TENM2: variants seen among roughly 807,000 people sequenced by gnomAD.
TENM2 encodes the protein teneurin transmembrane protein 2, also known as teneurin-2.
Under a neutral mutation model 245.2 loss-of-function variants are expected in TENM2, and 52 were observed. The ratio of observed to expected loss-of-function variants is 0.21; its 90% CI spans 0.17 to 0.27. The LOEUF is 0.27. Ranked by LOEUF, TENM2 falls within the 10% of genes least tolerant of loss-of-function variation. TENM2 has a pLI of 1.00. For synonymous variants in TENM2, 1,363 were observed against 1,438.9 expected, an observed-to-expected ratio of 0.95 and a Z score of 1.19; for missense variants, 3,046 against 3,666.8, an observed-to-expected ratio of 0.83 and a Z score of 4.37.
chr5:168,082,284 G>T (rs936344376), intron 7 of TENM2, among the ~76,000 whole-genome samples: 4 of 152,128 alleles, frequency 2.6e-5, no homozygotes, highest in Admixed American at 1.3e-4. Flanking sequence ...GCTCCATCAG[G>T]TTATTTAAGG....
chr5:167,415,681 G>A (rs1581979206), intron 2 of TENM2, among the ~76,000 whole-genome samples: 2 of 151,684 alleles, frequency 1.3e-5, no homozygotes, highest in East Asian at 3.9e-4. Flanking sequence ...AAAAAAAAAA[G>A]TACTGATTTT....
In TENM2 at chr5:167,748,308, G is replaced by A. The variant is rs142463300; in HGVS notation, c.503-127678G>A. Among the ~76,000 whole-genome samples, 169 of 152,238 alleles carry A rather than the reference G, an allele frequency of 1.1e-3. 1 individual carries two copies. The highest frequency in any genetic ancestry group is 3.8e-3 in the African/African-American group (159 of 41,558). On this transcript the variant is annotated intron_variant, in intron 2 of 28. Transcript: ENST00000518659. The stretch of plus-strand genomic sequence containing the variant: ...CAAGTTTCATTGACCCATATTAAAG[G>A]TGTCAGTGTGCAAAAAAATTTCTAT...
the TENM2 span, among the ~76,000 whole-genome samples, chr5:167,159,825 A>G: frequency 6.6e-6 from 1 of 152,170 alleles, no homozygotes; most frequent in South Asian, 2.1e-4. Flanking sequence ...TCATACAGAA[A>G]GACTGGTGGT....
intron 5 of TENM2, among the ~76,000 whole-genome samples, chr5:168,036,946 C>G (rs1023985316): frequency 6.6e-5 from 10 of 151,796 alleles, no homozygotes; most frequent in African/African-American, 2.4e-4. Context: ...AAGAAGCTGA[C>G]CATACTGACA....
intron 1 of TENM2, among the ~76,000 whole-genome samples, chr5:167,311,783 T>C (rs1263798201): frequency 6.6e-6 from 1 of 152,196 alleles, no homozygotes; most frequent in Admixed American, 6.5e-5. Context: ...CAAAAATGCT[T>C]TTTAAGACAA....
chr5:167,606,662 A>T (rs1309357190), intron 2 of TENM2, among the ~76,000 whole-genome samples: 1 of 152,114 alleles, frequency 6.6e-6, no homozygotes, highest in Non-Finnish European at 1.5e-5. Context: ...GGAACTTTTA[A>T]TAATATACTG....
chr5:167,478,091 C>T (rs1020221632), intron 2 of TENM2, among the ~76,000 whole-genome samples: 5 of 152,114 alleles, frequency 3.3e-5, no homozygotes, highest in African/African-American at 9.7e-5. Context: ...CTGGGAAGAG[C>T]GAAACACCAG....
intron 2 of TENM2, among the ~76,000 whole-genome samples, chr5:167,712,128 C>T (rs972326547): frequency 7.9e-5 from 12 of 152,056 alleles, no homozygotes; most frequent in African/African-American, 2.7e-4. Context: ...CCAATCAACT[C>T]GATCTTAATT....
intron 2 of TENM2, among the ~76,000 whole-genome samples, chr5:167,422,326 A>G (rs1763560664): frequency 6.6e-6 from 1 of 152,184 alleles, no homozygotes; most frequent in Non-Finnish European, 1.5e-5. Context: ...AGTTCAACAT[A>G]ATAATTTCTC....
chr5:167,681,537 G>T (rs1220598550), intron 2 of TENM2, among the ~76,000 whole-genome samples: 1 of 152,114 alleles, frequency 6.6e-6, no homozygotes, highest in Non-Finnish European at 1.5e-5. Flanking sequence ...CTTGCTGAAT[G>T]ACAGGATATA....
the TENM2 span, among the ~76,000 whole-genome samples, chr5:167,234,654 T>G: frequency 6.6e-6 from 1 of 152,030 alleles, no homozygotes; most frequent in Non-Finnish European, 1.5e-5. Flanking sequence ...ACAGGAAAGG[T>G]TGATTATATT....
the TENM2 span, among the ~76,000 whole-genome samples, chr5:167,061,667 G>A: frequency 1.4e-4 from 21 of 152,116 alleles, no homozygotes; most frequent in African/African-American, 5.1e-4. Flanking sequence ...AAATATTCAA[G>A]CATCAAAAGG....
chr5:167,290,344 A>G (rs1754559893), intron 1 of TENM2, among the ~76,000 whole-genome samples: 1 of 152,176 alleles, frequency 6.6e-6, no homozygotes, highest in Non-Finnish European at 1.5e-5. Context: ...AAGCTCTACC[A>G]TATATAGGTA....
At chr5:167,039,207 TC>T in the TENM2 span, among the ~76,000 whole-genome samples, 1 of 152,052 alleles carries the variant, frequency 6.6e-6, no homozygotes, top group Non-Finnish European at 1.5e-5. Context: ...AGCTGGGTGT[TC>T]CTGTGAGAGT....
At chr5:168,217,004 G>A (rs1763255278) in intron 22 of TENM2, 82 bp downstream of exon 24, 1 of 1,486,434 alleles carries the variant, frequency 6.7e-7, no homozygotes, top group Non-Finnish European at 9.2e-7. Context: ...GTTTGGTTTG[G>A]AAGTGGAATG....
the TENM2 span, among the ~76,000 whole-genome samples, chr5:167,230,456 A>G: frequency 6.6e-6 from 1 of 152,228 alleles, no homozygotes; most frequent in Admixed American, 6.5e-5. Flanking sequence ...TTGAAGTGTG[A>G]TTATCCAGTC....
intron 1 of TENM2, among the ~76,000 whole-genome samples, chr5:167,330,622 G>A (rs140374612): frequency 6.6e-6 from 1 of 152,218 alleles, no homozygotes; most frequent in Non-Finnish European, 1.5e-5. Flanking sequence ...TTGGCAAGGA[G>A]ATCCAATACC....
At chr5:167,066,391 TTTA>T in the TENM2 span, among the ~76,000 whole-genome samples, 1 of 152,248 alleles carries the variant, frequency 6.6e-6, no homozygotes, top group South Asian at 2.1e-4. Context: ...GAGAATTTTT[TTTA>T]TTATACTGTA....
chr5:167,272,844 G>A, the TENM2 span, among the ~76,000 whole-genome samples: 1 of 152,094 alleles, frequency 6.6e-6, no homozygotes, highest in Non-Finnish European at 1.5e-5. Context: ...CCAATGATGC[G>A]AGAGATACAC....
Sources: allele counts gnomAD v4.1 joint callset (sites outside exome capture counted in the v4.1 genomes callset), GRCh38; gene constraint gnomAD v4.1.1; transcripts MANE v1.5; gene names NCBI Gene and HGNC (gene_info 2026-07-23, HGNC 2026-07-21).